Variants in CIMIP3 observed in about 807,000 individuals in gnomAD.
The protein encoded by CIMIP3 is ciliary microtubule inner protein 3, also known as GUCA1A neighbor.
chr6:42,156,395 T>A, the CIMIP3 span, among the ~76,000 whole-genome samples: 1 of 150,924 alleles, frequency 6.6e-6, no homozygotes, highest in African/African-American at 2.4e-5. Context: ...GCTCAAGCAA[T>A]CCTCCCACTT....
the CIMIP3 span, among the ~76,000 whole-genome samples, chr6:42,162,590 G>A: frequency 6.7e-6 from 1 of 149,080 alleles, no homozygotes; most frequent in Non-Finnish European, 1.5e-5. Flanking sequence ...CCACACAGGA[G>A]CCAGGCCAAG....
At chr6:42,160,586 T>C in the CIMIP3 span, among the ~76,000 whole-genome samples, 1 of 152,324 alleles carries the variant, frequency 6.6e-6, no homozygotes, top group East Asian at 1.9e-4. Flanking sequence ...TGTAGGACTC[T>C]GAATGACAAC....
the CIMIP3 span, among the ~76,000 whole-genome samples, chr6:42,160,791 A>C: frequency 6.6e-6 from 1 of 152,216 alleles, no homozygotes; most frequent in Non-Finnish European, 1.5e-5. Flanking sequence ...GCAAATTTGC[A>C]AAACTGAGGG....
the CIMIP3 span, among the ~76,000 whole-genome samples, chr6:42,162,090 CTTTTTTTTTT>C: frequency 1.9e-4 from 12 of 63,090 alleles, no homozygotes; most frequent in African/African-American, 4.3e-4. Context: ...AAGCCACATT[CTTTTTTTTTT>C]TTTTTTTTTT....
chr6:42,156,072 C>T, the CIMIP3 span, among the ~76,000 whole-genome samples: 1 of 152,060 alleles, frequency 6.6e-6, no homozygotes, highest in African/African-American at 2.4e-5. Flanking sequence ...CAGCTAAGTG[C>T]AACCTCCGCC....
At chr6:42,159,601 C>T in the CIMIP3 span, among the ~76,000 whole-genome samples, 97,138 of 152,060 alleles carry the variant, frequency 0.64, 31,367 homozygotes, top group South Asian at 0.7. Flanking sequence ...ATCTGGCTGC[C>T]CCGCCCTCCA....
the CIMIP3 span, among the ~76,000 whole-genome samples, chr6:42,159,295 CA>C: frequency 6.6e-6 from 1 of 152,112 alleles, no homozygotes; most frequent in African/African-American, 2.4e-5. Context: ...TTGTCCAGCC[CA>C]AAGAGGCAGA....
the CIMIP3 span, among the ~76,000 whole-genome samples, chr6:42,160,639 C>T: frequency 4.6e-5 from 7 of 152,134 alleles, no homozygotes; most frequent in Admixed American, 3.9e-4. Context: ...GTCCCTCCAG[C>T]GAAGGAGCAC....
At chr6:42,163,205 C>T in the CIMIP3 span, 6 of 593,518 alleles carry the variant, frequency 1.0e-5, no homozygotes, top group Non-Finnish European at 1.6e-5. Flanking sequence ...CACCCGCAAG[C>T]GCTTTGATGT....
chr6:42,155,688 G>C, the CIMIP3 span: 2 of 712,144 alleles, frequency 2.8e-6, no homozygotes, highest in Admixed American at 4.0e-5. Context: ...GATCTCTCTG[G>C]GGAGATGGAG....
At chr6:42,162,983 G>A in the CIMIP3 span, 2 of 712,544 alleles carry the variant, frequency 2.8e-6, no homozygotes, top group South Asian at 1.5e-5. Flanking sequence ...GGGGGTGAAG[G>A]CTCCACACTC....
chr6:42,161,547 A>G, the CIMIP3 span, among the ~76,000 whole-genome samples: 1 of 152,300 alleles, frequency 6.6e-6, no homozygotes, highest in African/African-American at 2.4e-5. Flanking sequence ...GCTTGGTCAC[A>G]GGAAGGGTAG....
chr6:42,161,043 C>G, the CIMIP3 span, among the ~76,000 whole-genome samples: 8 of 152,054 alleles, frequency 5.3e-5, no homozygotes, highest in African/African-American at 1.7e-4. Context: ...ACAAAATTAG[C>G]CTGGTGTGGT....
At chr6:42,163,290 C>G in the CIMIP3 span, 1 of 507,002 alleles carries the variant, frequency 2.0e-6, no homozygotes, top group East Asian at 3.2e-5. Flanking sequence ...CACCCTCACC[C>G]CTGTGACCTC....
chr6:42,159,261 A>T, the CIMIP3 span, among the ~76,000 whole-genome samples: 1 of 152,186 alleles, frequency 6.6e-6, no homozygotes, highest in East Asian at 1.9e-4. Flanking sequence ...TCTGCAAGAC[A>T]CAAGACAACC....
At chr6:42,162,353 T>C in the CIMIP3 span, among the ~76,000 whole-genome samples, 1 of 150,844 alleles carries the variant, frequency 6.6e-6, no homozygotes, top group Non-Finnish European at 1.5e-5. Context: ...AGGCGGAGGT[T>C]GCAGTGAGCC....
chr6:42,160,006 G>A, the CIMIP3 span, among the ~76,000 whole-genome samples: 16 of 152,122 alleles, frequency 1.1e-4, no homozygotes, highest in Non-Finnish European at 2.4e-4. Context: ...TTTTTTTTGA[G>A]ATGGGGTCAT....
chr6:42,162,609 C>G, the CIMIP3 span, among the ~76,000 whole-genome samples: 2 of 140,642 alleles, frequency 1.4e-5, no homozygotes, highest in African/African-American at 2.7e-5. Flanking sequence ...AGGACACGGA[C>G]AGACGATTGG....
the CIMIP3 span, chr6:42,162,990 A>G: frequency 2.8e-6 from 2 of 713,536 alleles, no homozygotes; most frequent in African/African-American, 1.8e-5. Context: ...AAGGCTCCAC[A>G]CTCGTCCCGG....
Sources: allele counts gnomAD v4.1 joint callset (sites outside exome capture counted in the v4.1 genomes callset), GRCh38; gene constraint gnomAD v4.1.1; transcripts MANE v1.5; gene names NCBI Gene and HGNC (gene_info 2026-07-23, HGNC 2026-07-21).